The following CASP6 variants were observed in gnomAD, a reference collection of about 807,000 sequenced individuals.
CASP6 encodes the protein caspase-6.
Under a neutral mutation model 31.8 loss-of-function variants are expected in CASP6, and 20 were observed. The ratio of observed to expected loss-of-function variants is 0.63; its 90% CI spans 0.44 to 0.91. CASP6 has a LOEUF of 0.91. Among genes scored for constraint, CASP6 ranks in the 40% least tolerant of loss-of-function variants. The pLI, the probability that CASP6 is intolerant of heterozygous loss-of-function variation, is 0.00. For missense variants in CASP6, 328 were observed against 361.1 expected (o/e 0.91, Z 0.74); for synonymous variants, 130 against 127.8 (o/e 1.02, Z -0.12).
At chr4:109,677,802 ATT>A in the CASP6 span, among the ~76,000 whole-genome samples, 2,808 of 86,594 alleles carry the variant, frequency 0.032, 76 homozygotes, top group African/African-American at 0.12. Flanking sequence ...AAGGAAACAA[ATT>A]TTTTTTTTTT....
At chr4:109,665,637 T>C in the CASP6 span, among the ~76,000 whole-genome samples, 29 of 152,324 alleles carry the variant, frequency 1.9e-4, no homozygotes, top group Admixed American at 1.8e-3. Context: ...GTGTAAATGG[T>C]TGTTATACTA....
chr4:109,676,164 G>C, the CASP6 span, among the ~76,000 whole-genome samples: 1 of 152,054 alleles, frequency 6.6e-6, no homozygotes, highest in South Asian at 2.1e-4. Flanking sequence ...TTCTGGTCAG[G>C]GCTCGGAAGA....
chr4:109,708,761 T>C, the CASP6 span, among the ~76,000 whole-genome samples: 1 of 152,206 alleles, frequency 6.6e-6, no homozygotes, highest in Non-Finnish European at 1.5e-5. Flanking sequence ...TTTAAAACAA[T>C]ATTTTGTCTA....
In CASP6 at chr4:109,697,407, G is replaced by A. The variant is rs565416461; in HGVS notation, c.230+215C>T. On this transcript the variant is annotated intron_variant, in intron 3 of 6. Transcript: ENST00000265164. Reference sequence around the variant, plus strand: ...CCCCTTCAGCCTCCAGAGTAGCTGGGACTACCGCCACCATGCCCAGCTAAT... The same window carrying A: ...CCCCTTCAGCCTCCAGAGTAGCTGGAACTACCGCCACCATGCCCAGCTAAT... Among the ~76,000 whole-genome samples the A allele has an allele frequency of 9.2e-5, 14 of 151,970 alleles. No individual in the cohort carries two copies. In the South Asian group the frequency reaches 2.9e-3, roughly 32 times the overall value.
chr4:109,677,211 A>G, the CASP6 span, among the ~76,000 whole-genome samples: 5 of 151,794 alleles, frequency 3.3e-5, no homozygotes, highest in South Asian at 4.1e-4. Context: ...CTTTTTTCCT[A>G]TTTCTCCCTT....
At chr4:109,668,139 G>C in the CASP6 span, among the ~76,000 whole-genome samples, 2 of 152,090 alleles carry the variant, frequency 1.3e-5, no homozygotes, top group African/African-American at 4.8e-5. Context: ...TAGATGTCAC[G>C]TTTATCTCAG....
chr4:109,673,769 A>G, the CASP6 span: 2 of 588,266 alleles, frequency 3.4e-6, no homozygotes, highest in Non-Finnish European at 6.1e-6. Context: ...GCTTCTGAAG[A>G]AAAGGAAAAG....
At chr4:109,690,237 A>AT (rs1729999089) in intron 6 of CASP6, among the ~76,000 whole-genome samples, 1 of 60,314 alleles carries the variant, frequency 1.7e-5, no homozygotes, top group Non-Finnish European at 3.2e-5. Context: ...GTGAGACTAT[A>AT]AAAAAAAAAA....
In CASP6 at chr4:109,694,695, T is replaced by C; in HGVS notation, c.313A>G (p.Thr105Ala). ...CAATCGGCATCTGCGTGGCTAACAG[T>C]TGACACTATAAAGGACCCAAAAGAG... ...ELLLKIHEVS[T>A]VSHADADCFV... is the part of the protein sequence containing the mutation. The change falls in exon 5 of 7, where the codon ACT becomes GCT. Residue 105 changes from threonine to alanine, a missense_variant. By Grantham distance (58) the Thr-to-Ala change is moderately conservative. Coordinates refer to ENST00000265164, the MANE Select transcript of CASP6 (RefSeq NM_001226.4). 1.3e-6 allele frequency: 2 copies of C among 1,589,440 alleles called. No homozygotes were observed. Among genetic ancestry groups the C allele is most frequent in the Non-Finnish European group, 1.7e-6 (2 of 1,169,122 alleles).
chr4:109,681,222 C>T, the CASP6 span, among the ~76,000 whole-genome samples: 2 of 152,046 alleles, frequency 1.3e-5, no homozygotes, highest in African/African-American at 2.4e-5. Flanking sequence ...GATAGAGCAT[C>T]TTCTACAAAG....
At chr4:109,685,912 C>G (rs998040768), downstream of CASP6, among the ~76,000 whole-genome samples, 9 of 152,156 alleles carry the variant, frequency 5.9e-5, no homozygotes, top group African/African-American at 2.2e-4. Context: ...TCCCAATTTA[C>G]TCATTAACTT....
chr4:109,683,605 T>C, the CASP6 span, among the ~76,000 whole-genome samples: 2 of 152,234 alleles, frequency 1.3e-5, no homozygotes, highest in African/African-American at 4.8e-5. Context: ...TTTTATTCTC[T>C]TTCTCAGAAA....
chr4:109,695,842 A>T (rs980273733), intron 4 of CASP6, among the ~76,000 whole-genome samples: 1 of 152,200 alleles, frequency 6.6e-6, no homozygotes. Context: ...TTCTGAGCAA[A>T]GTAGAAAAGC....
the CASP6 span, among the ~76,000 whole-genome samples, chr4:109,668,782 C>T: frequency 6.6e-6 from 1 of 150,398 alleles, no homozygotes; most frequent in African/African-American, 2.4e-5. Context: ...TTCATTTTCT[C>T]TCCTTTTCCA....
At chr4:109,686,398 C>G (rs144614361), downstream of CASP6, among the ~76,000 whole-genome samples, 1,094 of 152,288 alleles carry the variant, frequency 7.2e-3, 10 homozygotes, top group African/African-American at 0.025. Flanking sequence ...CTTGGCCTCC[C>G]AAAGTGTTAG....
chr4:109,677,765 C>T, the CASP6 span, among the ~76,000 whole-genome samples: 1 of 150,288 alleles, frequency 6.7e-6, no homozygotes, highest in African/African-American at 2.5e-5. Context: ...ATTTCCCAGC[C>T]TCCACTAACA....
chr4:109,702,401 C>T (rs1378759464), intron 1 of CASP6, among the ~76,000 whole-genome samples: 1 of 148,662 alleles, frequency 6.7e-6, no homozygotes, highest in Non-Finnish European at 1.5e-5. Flanking sequence ...GCGATCTCGG[C>T]TCACTGCAAC....
At chr4:109,703,268 C>T in intron 1 of CASP6, 88 bp downstream of exon 1, 1 of 1,475,198 alleles carries the variant, frequency 6.8e-7, no homozygotes, top group Admixed American at 2.1e-5. Context: ...CACTCCGGTC[C>T]GCGCGCCCGG....
intron 1 of CASP6, 71 bp downstream of exon 1, chr4:109,703,285 A>T: frequency 6.5e-7 from 1 of 1,537,218 alleles, no homozygotes; most frequent in Non-Finnish European, 8.8e-7. Context: ...CCGGTCCACT[A>T]ACCCTCGTTT....
Sources: gnomAD v4.1 joint callset for allele counts (sites outside exome capture counted in the v4.1 genomes callset) on GRCh38, gnomAD v4.1.1 for gene constraint, MANE v1.5 for transcripts, NCBI Gene and HGNC (gene_info 2026-07-23, HGNC 2026-07-21) for gene names.